Variants in ABCA4 observed in about 807,000 individuals in gnomAD.
ABCA4 encodes ATP binding cassette subfamily A member 4.
Under a neutral mutation model 263.7 loss-of-function variants are expected in ABCA4, and 196 were observed. The observed-to-expected ratio is 0.74, with a 90% CI of 0.66 to 0.84. The LOEUF (loss-of-function observed/expected upper bound fraction) is 0.84. Ranked by LOEUF, ABCA4 falls within the 40% of genes least tolerant of loss-of-function variation. The pLI, the probability that ABCA4 is intolerant of heterozygous loss-of-function variation, is 0.00. For missense variants in ABCA4, 2,792 were observed against 2,855.1 expected (o/e 0.98, Z 0.50); for synonymous variants, 1,133 against 1,094.2 (o/e 1.04, Z -0.70).
Position 94,111,559 on chromosome 1 carries a change from TC to T in ABCA4, c.180del (p.Met61CysfsTer17). On this transcript the variant is annotated frameshift_variant, in exon 3 of 50. Transcript: ENST00000370225. LOFTEE classifies it high-confidence loss of function. Reference sequence around the variant, plus strand: ...CACGGCAGCATTCCTGCTGAGGGCATCGCCTTGTTGGGGAAATGGCCTTTAA... The same window carrying T: ...CACGGCAGCATTCCTGCTGAGGGCATGCCTTGTTGGGGAAATGGCCTTTAA... Reference protein sequence around the residue: ...SHHECHFPNKAMPSAGMLPWL... With the variant: ...SHHECHFPNKXMPSAGMLPWL... 2 of 1,614,218 alleles carry T rather than the reference TC, an allele frequency of 1.2e-6. No individual in the cohort carries two copies. The highest frequency in any genetic ancestry group is 1.7e-6 in the Non-Finnish European group (2 of 1,180,036).
rs375156009 is a variant in ABCA4, at chr1:94,019,754, G to A, written c.5024C>T (p.Thr1675Ile). 14 of 1,612,078 alleles carry A rather than the reference G, an allele frequency of 8.7e-6. No homozygotes were observed. Among genetic ancestry groups the A allele is most frequent in the Non-Finnish European group, 1.2e-5 (14 of 1,179,040 alleles). ...KEQLSEITVL[T>I]TSVDAVVAIC... Reference sequence around the variant, plus strand: ...GGCAACCACAGCATCCACTGAAGTGGTCAGCCTGCAGCAGGGCCAGAGACA... The same window carrying A: ...GGCAACCACAGCATCCACTGAAGTGATCAGCCTGCAGCAGGGCCAGAGACA... Residue 1675 changes from threonine (T) to isoleucine (I), a missense_variant, in exon 36 of 50, where the codon ACC becomes ATC. By Grantham distance (89) the Thr-to-Ile change is moderately conservative (BLOSUM62 -1). Coordinates refer to ENST00000370225, the MANE Select transcript of ABCA4 (RefSeq NM_000350.3).
At chr1:94,081,603 C>T (rs531589567) in intron 7 of ABCA4, among the ~76,000 whole-genome samples, 10 of 150,862 alleles carry the variant, frequency 6.6e-5, no homozygotes, top group African/African-American at 2.0e-4. Context: ...TGTGTGTGTG[C>T]GTGTGTGTGT....
chr1:94,029,548 C>A lies in ABCA4; in HGVS notation c.4436G>T (p.Trp1479Leu). 1 of 1,613,414 alleles carries A rather than the reference C, an allele frequency of 6.2e-7. No individual in the cohort carries two copies. Among genetic ancestry groups the A allele is most frequent in the Non-Finnish European group, 8.5e-7 (1 of 1,179,742 alleles). Residue 1479 changes from tryptophan (W) to leucine (L), a missense_variant, in exon 30 of 50, where the codon TGG becomes TTG. Physicochemically the swap from Trp to Leu is moderately conservative, Grantham distance 61. Coordinates refer to ENST00000370225, the MANE Select transcript of ABCA4 (RefSeq NM_000350.3). ...GGATGGTGAAGGGTTGACCTGTGTCCATTTCTGCTTCTGGAACAGCTGGGT... is the reference window on the plus strand; with the variant it reads ...GGATGGTGAAGGGTTGACCTGTGTCAATTTCTGCTTCTGGAACAGCTGGGT... ...NITQLFQKQK[W>L]TQVNPSPSCR...
At chr1:94,089,597 G>T (rs150923614) in intron 6 of ABCA4, among the ~76,000 whole-genome samples, 4,268 of 151,926 alleles carry the variant, frequency 0.028, 88 homozygotes, top group Non-Finnish European at 0.045. Context: ...CCAAGTAGCT[G>T]GGACTACAGG....
chr1:94,016,903 A>G (rs1659763248), intron 36 of ABCA4, among the ~76,000 whole-genome samples: 1 of 152,122 alleles, frequency 6.6e-6, no homozygotes, highest in African/African-American at 2.4e-5. Context: ...AATGGGGATA[A>G]TGGAAGGATG....
intron 6 of ABCA4, among the ~76,000 whole-genome samples, chr1:94,095,534 C>T (rs111865103): frequency 1.3e-5 from 2 of 152,178 alleles, no homozygotes; most frequent in African/African-American, 2.4e-5. Context: ...CATGGCTGCG[C>T]GCCAACCAGC....
chr1:94,041,859 G>A (rs1660495608), intron 22 of ABCA4, among the ~76,000 whole-genome samples: 1 of 152,182 alleles, frequency 6.6e-6, no homozygotes, highest in African/African-American at 2.4e-5. Context: ...ACTTTGGGAG[G>A]ACAAGGCGGG....
Position 94,023,416 on chromosome 1 carries a change from A to T in ABCA4, c.4637T>A (p.Leu1546Ter), listed in dbSNP as rs1131691612. The T allele has an allele frequency of 6.2e-7, 1 of 1,608,544 alleles. No homozygotes were observed. The highest frequency in any genetic ancestry group is 8.5e-7 in the Non-Finnish European group (1 of 1,175,120). Reference protein sequence around the residue: ...KTYPALIRSSLKSKFWVNEQR... With the variant: ...KTYPALIRSS Reference sequence around the variant, plus strand: ...TTCATTGACCCAGAATTTGCTCTTTAAGCTGAAAGCCAAAATAAAATAATG... The same window carrying T: ...TTCATTGACCCAGAATTTGCTCTTTTAGCTGAAAGCCAAAATAAAATAATG... Residue 1546 changes from leucine (L) to a stop codon, truncating the protein, a stop_gained and splice_region_variant, in exon 32 of 50, where the codon TTA becomes TAA. Coordinates refer to ENST00000370225, the MANE Select transcript of ABCA4 (RefSeq NM_000350.3). LOFTEE classifies it high-confidence loss of function.
At position 94,116,968 on chromosome 1, in the gene ABCA4, C is replaced by CTTTCTTTT. The variant is rs764312285; in HGVS notation, c.67-3903_67-3902insAAAAGAAA. On this transcript the variant is annotated intron_variant, in intron 1 of 49. Coordinates refer to ENST00000370225, the MANE Select transcript of ABCA4 (RefSeq NM_000350.3). ...CCCTCCCTCCCTCCTTTCTTTCTTTCTCTTTCTTTCTTTCTTTCTTTCTTT... is the reference window on the plus strand; with the variant it reads ...CCCTCCCTCCCTCCTTTCTTTCTTTCTTTCTTTTTCTTTCTTTCTTTCTTTCTTTCTTT... Among the ~76,000 whole-genome samples, 45 of 100,052 alleles carry CTTTCTTTT rather than the reference C, an allele frequency of 4.5e-4. 1 individual carries two copies. Among genetic ancestry groups the CTTTCTTTT allele is most frequent in the African/African-American group, 1.8e-3 (45 of 24,856 alleles). The allele number at this position is 100,052 out of a possible 152,430, so 65.6% of individuals were successfully genotyped here.
intron 12 of ABCA4, 60 bp downstream of exon 12, chr1:94,063,052 A>G (rs1661173951): frequency 8.7e-6 from 13 of 1,491,906 alleles, no homozygotes; most frequent in Non-Finnish European, 1.2e-5. Context: ...CTTTCTCTCT[A>G]CCAAATGTAA....
intron 36 of ABCA4, among the ~76,000 whole-genome samples, chr1:94,018,762 C>G (rs1017938080): frequency 6.6e-6 from 1 of 152,112 alleles, no homozygotes; most frequent in African/African-American, 2.4e-5. Context: ...TAGGCCTTTA[C>G]TACCAATTCC....
chr1:94,080,806 T>C, intron 7 of ABCA4, 88 bp from the exon 8 acceptor site: 2 of 1,570,130 alleles, frequency 1.3e-6, no homozygotes, highest in Non-Finnish European at 1.8e-6. Flanking sequence ...TTGGTTTGAC[T>C]TCCACATTTA....
chr1:94,048,353 CGTCAGTTTAGGGATTATTAG>C (rs1292827499), intron 18 of ABCA4, among the ~76,000 whole-genome samples: 2 of 152,174 alleles, frequency 1.3e-5, no homozygotes, highest in African/African-American at 4.8e-5. Flanking sequence ...AAATCTGGGT[CGTCAGTTTAGGGATTATTAG>C]GTAACTTCCA....
chr1:94,024,294 T>G (rs1440169496), intron 31 of ABCA4, among the ~76,000 whole-genome samples: 1 of 152,144 alleles, frequency 6.6e-6, no homozygotes, highest in African/African-American at 2.4e-5. Flanking sequence ...CCTGTCAAGC[T>G]GCTTGTTCTG....
At chr1:94,118,018 T>C (rs1167714843) in intron 1 of ABCA4, among the ~76,000 whole-genome samples, 2 of 152,212 alleles carry the variant, frequency 1.3e-5, no homozygotes, top group Non-Finnish European at 2.9e-5. Context: ...GTGACCAGAC[T>C]ATTGGATAGA....
At chr1:94,073,369 G>A (rs1477565097) in intron 11 of ABCA4, among the ~76,000 whole-genome samples, 1 of 152,158 alleles carries the variant, frequency 6.6e-6, no homozygotes. Flanking sequence ...TGAAGTCCTG[G>A]CGGCCCCGGA....
intron 7 of ABCA4, among the ~76,000 whole-genome samples, chr1:94,080,960 C>T (rs1247658126): frequency 6.6e-6 from 1 of 152,168 alleles, no homozygotes; most frequent in African/African-American, 2.4e-5. Flanking sequence ...CGCAGTGGCT[C>T]ATGCCTGTAA....
intron 6 of ABCA4, among the ~76,000 whole-genome samples, chr1:94,087,058 G>A (rs1661851594): frequency 6.6e-6 from 1 of 152,180 alleles, no homozygotes; most frequent in South Asian, 2.1e-4. Context: ...TATGGTGGAA[G>A]CGGCAAGCTG....
At chr1:94,105,553 A>G (rs564662421) in intron 4 of ABCA4, among the ~76,000 whole-genome samples, 4 of 152,086 alleles carry the variant, frequency 2.6e-5, no homozygotes, top group African/African-American at 9.7e-5. Flanking sequence ...CTGAGGAAAG[A>G]AAAATAAATT....
Sources: gnomAD v4.1 joint callset for allele counts (sites outside exome capture counted in the v4.1 genomes callset) on GRCh38, gnomAD v4.1.1 for gene constraint, MANE v1.5 for transcripts, NCBI Gene and HGNC (gene_info 2026-07-23, HGNC 2026-07-21) for gene names.